Variants in MIDEAS observed in about 807,000 individuals in gnomAD.
The protein encoded by MIDEAS is mitotic deacetylase-associated SANT domain protein.
In MIDEAS, 26 loss-of-function variants were observed where a neutral mutation model predicts 102.7. The observed-to-expected ratio is 0.25, with a 90% confidence interval of 0.19 to 0.35. MIDEAS has a LOEUF of 0.35. MIDEAS is among the 10% of genes least tolerant of loss of function. The pLI is 1.00. For missense variants in MIDEAS, 1,231 were observed against 1,435.6 expected, an observed-to-expected ratio of 0.86 and a Z score of 2.30; for synonymous variants, 585 against 591.0, an observed-to-expected ratio of 0.99 and a Z score of 0.15.
Position 73,759,150 on chromosome 14 carries a change from A to G in MIDEAS, c.-248+613T>C, listed in dbSNP as rs1438871325. ...AGCGCTCCAGCCTAGGCCTCTGCTGACTGCATTTGCCCCAGTTCCCCAACG... is the reference window on the plus strand; with the variant it reads ...AGCGCTCCAGCCTAGGCCTCTGCTGGCTGCATTTGCCCCAGTTCCCCAACG... On this transcript the variant is annotated intron_variant, in intron 1 of 12. Coordinates refer to ENST00000423556, the MANE Select transcript of MIDEAS (RefSeq NM_001367710.1). The surrounding 1 kb of genome is among the most constrained non-coding windows in gnomAD (Gnocchi z 6.7). Among the ~76,000 whole-genome samples, 6 of 151,970 alleles carry G rather than the reference A, an allele frequency of 3.9e-5. No individual in the cohort carries two copies. The highest frequency in any genetic ancestry group is 7.4e-5 in the Non-Finnish European group (5 of 67,956).
At chr14:73,786,268 C>A (rs1377675767) in intron 1 of MIDEAS, among the ~76,000 whole-genome samples, 3 of 152,218 alleles carry the variant, frequency 2.0e-5, no homozygotes, top group Non-Finnish European at 4.4e-5. Context: ...AAAAACCCTG[C>A]GCCACGAGGC....
upstream of MIDEAS, among the ~76,000 whole-genome samples, chr14:73,761,526 A>G (rs1417576108): frequency 6.6e-6 from 1 of 152,248 alleles, no homozygotes; most frequent in Non-Finnish European, 1.5e-5. Flanking sequence ...ATATGTCAAA[A>G]TAAGGAACAC....
In MIDEAS at chr14:73,737,002, G is replaced by A. The variant is rs1331706797; in HGVS notation, c.1745C>T (p.Ala582Val). The change falls in exon 3 of 13, where the codon GCT becomes GTT. Residue 582 changes from alanine (A) to valine (V), a missense_variant. Ala to Val is a moderately conservative substitution (Grantham distance 64, BLOSUM62 0). This residue lies in a region of MIDEAS where 758 missense variants were observed against 856.0 expected (regional missense o/e 0.89). Transcript: ENST00000423556. ...STRIPGTDAQ[A>V]QAEDMNVKLE... ...TAGAAGGGGCGCCTCTCATACCTGAGCTTGAGCATCTGTCCCGGGGATTCG... is the reference window on the plus strand; with the variant it reads ...TAGAAGGGGCGCCTCTCATACCTGAACTTGAGCATCTGTCCCGGGGATTCG... 1.9e-6 allele frequency: 3 copies of A among 1,611,344 alleles called. No homozygotes were observed. The highest frequency in any genetic ancestry group is 2.5e-6 in the Non-Finnish European group (3 of 1,178,516).
rs1314284264 is a variant in MIDEAS, at chr14:73,772,154, A to C, written c.-248+14948T>G. On this transcript the variant is annotated intron_variant, in intron 1 of 11. Coordinates refer to the MIDEAS transcript ENST00000394071. ...CCCATCTGAATCCTCCAGCCCCTGC[A>C]TGCAGTGCCGGTAGCTGATAAAGAC... Among the ~76,000 whole-genome samples, 3 of 152,248 alleles carry C rather than the reference A, an allele frequency of 2.0e-5. No homozygotes were observed. In the East Asian group the frequency reaches 5.8e-4, roughly 29 times the overall value.
chr14:73,786,776 A>T (rs1179783711), intron 1 of MIDEAS, among the ~76,000 whole-genome samples: 3 of 152,192 alleles, frequency 2.0e-5, no homozygotes, highest in African/African-American at 7.2e-5. Flanking sequence ...GCAGGGATGG[A>T]GGCGCTGGGC....
At chr14:73,736,052 G>C (rs2053196411) in intron 3 of MIDEAS, among the ~76,000 whole-genome samples, 1 of 152,158 alleles carries the variant, frequency 6.6e-6, no homozygotes, top group Non-Finnish European at 1.5e-5. Flanking sequence ...AGCTACTAAG[G>C]AGGCTGAGGC....
At position 73,719,322 on chromosome 14, in the gene MIDEAS, G is replaced by A. The variant is rs373427073; in HGVS notation, c.3117C>T (p.Pro1039=). 1.9e-6 allele frequency: 3 copies of A among 1,590,438 alleles called. No homozygotes were observed. The highest frequency in any genetic ancestry group is 2.7e-5 in the African/African-American group (2 of 73,716). ...SKTQNQENTF[P]CKKCGRVFYK... is the part of the protein sequence containing the mutation. ...CACCTTACCTGCCACATTTTTTACA[G>A]GGGAAAGTGTTCTCCTGATTCTGGG... The change falls in exon 12 of 13, where the codon CCC becomes CCT. Residue 1039 remains proline, a synonymous_variant. Transcript: ENST00000423556.
rs1489639542 is a variant in MIDEAS, at chr14:73,767,867, GC to G, written c.-248+19234del. ...CACATCTGTGAGGCAGCTACTAAAT[GC>G]CTGACATTGGCCTGGCACAGTGGCT... On this transcript the variant is annotated intron_variant, in intron 1 of 11. Transcript: ENST00000394071. 1.3e-4 allele frequency among the ~76,000 whole-genome samples: 20 copies of G among 152,180 alleles called. No individual in the cohort carries two copies. In the East Asian group the frequency reaches 3.7e-3, roughly 28 times the overall value.
rs1451818512 is a variant in MIDEAS, at chr14:73,759,706, C to T, written c.-248+57G>A. ...CACAGCTCGCGCGCCGCCTGGGGTC[C>T]CCTCGCCGGCCCCGCCGCGTGCAGG... On this transcript the variant is annotated intron_variant, in intron 1 of 12. Transcript: ENST00000423556. This position sits in a 1 kb window ranked among gnomAD's most constrained non-coding sequence, Gnocchi z 6.7. 6.6e-6 allele frequency: 1 copy of T among 151,424 alleles called. No homozygotes were observed. The highest frequency in any genetic ancestry group is 1.5e-5 in the Non-Finnish European group (1 of 67,842). 9.4% of individuals were successfully genotyped at this position (151,424 alleles called of 1,614,324 possible). A position where few individuals can be genotyped will look rare whatever the true frequency, so the allele number is the denominator to read the frequency against.
At chr14:73,736,918 A>T in intron 3 of MIDEAS, 80 bp downstream of exon 3, 1 of 1,402,046 alleles carries the variant, frequency 7.1e-7, no homozygotes, top group Non-Finnish European at 9.8e-7. Context: ...CTACATTGCC[A>T]TGTTCTCCTT....
In MIDEAS at chr14:73,722,784, T is replaced by C. The variant is rs752460415; in HGVS notation, c.2638A>G (p.Ile880Val). The C allele has an allele frequency of 6.2e-7, 1 of 1,614,178 alleles. No homozygotes were observed. Among genetic ancestry groups the C allele is most frequent in the Non-Finnish European group, 8.5e-7 (1 of 1,180,010 alleles). Residue 880 changes from isoleucine to valine, a missense_variant, in exon 10 of 13, where the codon ATC becomes GTC. Ile to Val is a conservative substitution (Grantham distance 29, BLOSUM62 3). Transcript: ENST00000423556. ...AAGGTTAGAGTCCCATTGCGGCCGA[T>C]TTTCACCTGCTTCTTGTAGGTGTAG... is the stretch of plus-strand genomic sequence containing the variant. Reference protein sequence around the residue: ...FYYTYKKQVKIGRNGTLTFGD... With the variant: ...FYYTYKKQVKVGRNGTLTFGD...
chr14:73,721,509 T>A lies in MIDEAS; in HGVS notation c.2725A>T (p.Thr909Ser). 1.2e-6 allele frequency: 2 copies of A among 1,613,750 alleles called. No homozygotes were observed. Among genetic ancestry groups the A allele is most frequent in the Non-Finnish European group, 1.7e-6 (2 of 1,179,772 alleles). Reference protein sequence around the residue: ...AQEEVEVDIKTSQKFPRVPLP... With the variant: ...AQEEVEVDIKSSQKFPRVPLP... Reference sequence around the variant, plus strand: ...GGCACCCTTGGGAACTTTTGGGAAGTCTATGGGGAACAAGAACAAGGGCAG... The same window carrying A: ...GGCACCCTTGGGAACTTTTGGGAAGACTATGGGGAACAAGAACAAGGGCAG... Residue 909 changes from threonine to serine, a missense_variant and splice_region_variant, in exon 11 of 13, where the codon ACT becomes TCT. Thr to Ser is a moderately conservative substitution (Grantham distance 58). This residue lies in a region of MIDEAS where 391 missense variants were observed against 483.0 expected (regional missense o/e 0.81). Transcript: ENST00000423556.
At position 73,725,488 on chromosome 14, in the gene MIDEAS, C is replaced by T. The variant is rs1206383319; in HGVS notation, c.2486-128G>A. 8.6e-6 allele frequency: 6 copies of T among 695,112 alleles called. No individual in the cohort carries two copies. Among genetic ancestry groups the T allele is most frequent in the South Asian group, 3.3e-5 (2 of 61,068 alleles). 43.1% of individuals were successfully genotyped at this position (695,112 alleles called of 1,614,324 possible). ...TCTGCAGGCATCAGAGCCGGCTCCT[C>T]GTCCCACTTCCATGTGCCTCACAGC... On this transcript the variant is annotated intron_variant, in intron 8 of 12. Transcript: ENST00000423556. This position sits in a 1 kb window ranked among gnomAD's most constrained non-coding sequence, Gnocchi z 4.1.
intron 3 of MIDEAS, among the ~76,000 whole-genome samples, chr14:73,735,418 G>C (rs2053188868): frequency 2.0e-5 from 3 of 152,126 alleles, no homozygotes; most frequent in Non-Finnish European, 4.4e-5. Context: ...GGTCAGGCTG[G>C]TCTTGAACTG....
chr14:73,762,633 T>A (rs1267327607), upstream of MIDEAS, among the ~76,000 whole-genome samples: 1 of 152,200 alleles, frequency 6.6e-6, no homozygotes, highest in Non-Finnish European at 1.5e-5. Flanking sequence ...TCAGTTTTGC[T>A]GCAGATATGA....
chr14:73,752,214 T>C (rs2053428533), intron 1 of MIDEAS, among the ~76,000 whole-genome samples: 1 of 152,204 alleles, frequency 6.6e-6, no homozygotes, highest in Non-Finnish European at 1.5e-5. Context: ...CTCAATTTCA[T>C]GGCTCATAGA....
Position 73,725,581 on chromosome 14 carries a change from A to G in MIDEAS, c.2486-221T>C, listed in dbSNP as rs919430680. On this transcript the variant is annotated intron_variant, in intron 8 of 12. Coordinates refer to ENST00000423556, the MANE Select transcript of MIDEAS (RefSeq NM_001367710.1). This position sits in a 1 kb window ranked among gnomAD's most constrained non-coding sequence, Gnocchi z 4.1. ...TCACCAGCTGTGGTGAGGATTAAAT[A>G]AGATAATGCATGTGAAACCCTTGGT... 6.6e-6 allele frequency among the ~76,000 whole-genome samples: 1 copy of G among 152,202 alleles called. No homozygotes were observed. The highest frequency in any genetic ancestry group is 1.5e-5 in the Non-Finnish European group (1 of 68,030).
At chr14:73,734,525 A>G (rs1264118052) in intron 3 of MIDEAS, among the ~76,000 whole-genome samples, 3 of 151,854 alleles carry the variant, frequency 2.0e-5, no homozygotes, top group African/African-American at 7.3e-5. Flanking sequence ...CTCCCACCTC[A>G]GCCTCCTGAG....
chr14:73,720,690 T>G (rs1277490686), intron 11 of MIDEAS, among the ~76,000 whole-genome samples: 1 of 152,210 alleles, frequency 6.6e-6, no homozygotes, highest in Non-Finnish European at 1.5e-5. Context: ...GCCTGTGATA[T>G]GGTGGACAGA....
Sources: gnomAD v4.1 joint callset for allele counts (sites outside exome capture counted in the v4.1 genomes callset) on GRCh38, gnomAD v4.1.1 for gene constraint, gnomAD v4.1.1 regional missense constraint, Gnocchi (gnomAD v3.1) non-coding constraint, MANE v1.5 for transcripts, NCBI Gene and HGNC (gene_info 2026-07-23, HGNC 2026-07-21) for gene names.